Variants in PCDHGA4 observed in about 807,000 individuals in gnomAD.
PCDHGA4 encodes protocadherin gamma subfamily A, 4, also known as protocadherin gamma-A4.
Under a neutral mutation model 54.6 loss-of-function variants are expected in PCDHGA4, and 38 were observed. The observed-to-expected ratio is 0.70, with a 90% CI of 0.54 to 0.91. The LOEUF is 0.91. Ranked by LOEUF, PCDHGA4 falls within the 40% of genes least tolerant of loss-of-function variation. The probability of loss-of-function intolerance (pLI) is 0.00; values close to 1 mark genes in which losing one functional copy is unlikely to be tolerated. For missense variants in PCDHGA4, 1,298 were observed against 1,220.9 expected, an observed-to-expected ratio of 1.06 and a Z score of -0.94; for synonymous variants, 511 against 512.9, an observed-to-expected ratio of 1.00 and a Z score of 0.05.
chr5:141,489,300 C>G lies in PCDHGA4; in HGVS notation c.2515-5507C>G. The G allele has an allele frequency of 6.3e-7, 1 of 1,585,700 alleles. No individual in the cohort carries two copies. The highest frequency in any genetic ancestry group is 1.2e-5 in the South Asian group (1 of 85,012). Reference sequence around the variant, plus strand: ...AATGGCAAGTGCTGTGCATGTTGTCCTTGTGCTGCTGGGGCTGGGTGTCTG... The same window carrying G: ...AATGGCAAGTGCTGTGCATGTTGTCGTTGTGCTGCTGGGGCTGGGTGTCTG... On this transcript the variant is annotated intron_variant, in intron 1 of 3. Coordinates refer to ENST00000571252, the MANE Select transcript of PCDHGA4 (RefSeq NM_018917.4). This position sits in a 1 kb window ranked among gnomAD's most constrained non-coding sequence, Gnocchi z 4.5.
chr5:141,479,651 C>A (rs56818742), intron 1 of PCDHGA4: 43,954 of 152,194 alleles, frequency 0.29, 6,853 homozygotes, highest in African/African-American at 0.41. Flanking sequence ...ACAACAACAA[C>A]AATCCCAGAA....
rs1562052190 is a variant in PCDHGA4, at chr5:141,476,218, CTA to C, written c.2515-18587_2515-18586del. The C allele has an allele frequency of 6.2e-7, 1 of 1,613,984 alleles. No individual in the cohort carries two copies. The highest frequency in any genetic ancestry group is 8.5e-7 in the Non-Finnish European group (1 of 1,180,024). ...TGAACAAGGCTTCCACGGTCATTCA[CTA>C]TGAGATCCCGGAGGAAAGAGAGAAG... On this transcript the variant is annotated intron_variant, in intron 1 of 3. Coordinates refer to ENST00000571252, the MANE Select transcript of PCDHGA4 (RefSeq NM_018917.4). This position sits in a 1 kb window ranked among gnomAD's most constrained non-coding sequence, Gnocchi z 7.6.
chr5:141,364,683 G>C, intron 1 of PCDHGA4: 1 of 1,613,976 alleles, frequency 6.2e-7, no homozygotes, highest in Non-Finnish European at 8.5e-7. Flanking sequence ...AAAATTTATG[G>C]AGTAGAAGTA....
intron 1 of PCDHGA4, chr5:141,370,647 C>T: frequency 6.2e-7 from 1 of 1,613,884 alleles, no homozygotes; most frequent in African/African-American, 1.3e-5. Flanking sequence ...TGGGAACTTA[C>T]TTGTGAGCGA....
rs2099615817 is a variant in PCDHGA4 at position 141,485,564 on chromosome 5, C to G, written c.2515-9243C>G. On this transcript the variant is annotated intron_variant, in intron 1 of 3. Coordinates refer to ENST00000571252, the MANE Select transcript of PCDHGA4 (RefSeq NM_018917.4). This position sits in a 1 kb window ranked among gnomAD's most constrained non-coding sequence, Gnocchi z 5.7. ...GATCGTAGATGTGAATGATCACGCCCCCCGTTTTCCGCGGCAGCAGCTGGA... is the reference window on the plus strand; with the variant it reads ...GATCGTAGATGTGAATGATCACGCCGCCCGTTTTCCGCGGCAGCAGCTGGA... 6.2e-7 allele frequency: 1 copy of G among 1,612,958 alleles called. No individual in the cohort carries two copies. The highest frequency in any genetic ancestry group is 8.5e-7 in the Non-Finnish European group (1 of 1,179,052).
At chr5:141,389,069 T>A in intron 1 of PCDHGA4, 1 of 1,614,016 alleles carries the variant, frequency 6.2e-7, no homozygotes, top group Non-Finnish European at 8.5e-7. Flanking sequence ...TATTAACTTC[T>A]TCAAGAAACA....
At chr5:141,386,797 T>G (rs771279831) in intron 1 of PCDHGA4, among the ~76,000 whole-genome samples, 1 of 152,124 alleles carries the variant, frequency 6.6e-6, no homozygotes, top group Non-Finnish European at 1.5e-5. Flanking sequence ...TGACCAAAAT[T>G]TATTAGATGC....
chr5:141,494,736 T>A, intron 1 of PCDHGA4, 71 bp from the exon 2 acceptor site: 2 of 1,611,858 alleles, frequency 1.2e-6, no homozygotes, highest in Non-Finnish European at 1.7e-6. Flanking sequence ...TCCCGGCCCA[T>A]CCCTAGGGGC....
chr5:141,410,671 C>G (rs771368781), intron 1 of PCDHGA4: 1 of 1,563,260 alleles, frequency 6.4e-7, no homozygotes, highest in South Asian at 1.2e-5. Context: ...ACTAGTTTCT[C>G]ATATTTTAGG....
intron 1 of PCDHGA4, among the ~76,000 whole-genome samples, chr5:141,473,343 T>C (rs1309426537): frequency 6.6e-6 from 1 of 152,218 alleles, no homozygotes; most frequent in Non-Finnish European, 1.5e-5. Flanking sequence ...TGCTAGACAG[T>C]GAGGATGCAA....
At chr5:141,398,174 T>C (rs763077513) in intron 1 of PCDHGA4, 16 of 1,476,290 alleles carry the variant, frequency 1.1e-5, no homozygotes, top group African/African-American at 1.4e-5. Flanking sequence ...AGGCTGCCAG[T>C]GCTCTTTCTC....
chr5:141,410,847 GTC>G (rs2095431261), intron 1 of PCDHGA4: 6 of 158,244 alleles, frequency 3.8e-5, no homozygotes, highest in Admixed American at 8.9e-5. Context: ...TTTTGTCTTT[GTC>G]TTTTTTTTTT....
chr5:141,415,606 G>A lies in PCDHGA4; in HGVS notation c.2514+57985G>A. On this transcript the variant is annotated intron_variant, in intron 1 of 3. Transcript: ENST00000571252. ...GTTTCCTATAGAGGATACCCCATTG[G>A]TTCCAGTGAGTTTTATTTTCATTTT... The A allele has an allele frequency of 1.2e-6, 2 of 1,612,910 alleles. 1 individual carries two copies. Among genetic ancestry groups the A allele is most frequent in the East Asian group, 4.5e-5 (2 of 44,866 alleles).
At chr5:141,403,211 G>A (rs1253134514) in intron 1 of PCDHGA4, 2 of 1,613,856 alleles carry the variant, frequency 1.2e-6, no homozygotes, top group Non-Finnish European at 1.7e-6. Flanking sequence ...CTTGGTCACC[G>A]CGGGTAGGAT....
chr5:141,383,445 G>T (rs1779137475), intron 1 of PCDHGA4: 1 of 1,613,958 alleles, frequency 6.2e-7, no homozygotes, highest in East Asian at 2.2e-5. Flanking sequence ...CCCTGGCTGT[G>T]CAAAGTGGAG....
intron 1 of PCDHGA4, chr5:141,364,687 A>C: frequency 6.2e-7 from 1 of 1,614,004 alleles, no homozygotes; most frequent in Non-Finnish European, 8.5e-7. Flanking sequence ...TTTATGGAGT[A>C]GAAGTAGAAA....
At chr5:141,440,221 C>A (rs557068282) in intron 1 of PCDHGA4, 2 of 152,450 alleles carry the variant, frequency 1.3e-5, no homozygotes, top group Admixed American at 6.5e-5. Context: ...GTAATCCCAG[C>A]ACTTTGGGAG....
At position 141,431,034 on chromosome 5, in the gene PCDHGA4, G is replaced by C. The variant is rs372312860; in HGVS notation, c.2515-63773G>C. 2.5e-6 allele frequency: 4 copies of C among 1,613,992 alleles called. No homozygotes were observed. The highest frequency in any genetic ancestry group is 2.7e-5 in the African/African-American group (2 of 74,938). On this transcript the variant is annotated intron_variant, in intron 1 of 3. Coordinates refer to ENST00000571252, the MANE Select transcript of PCDHGA4 (RefSeq NM_018917.4). The surrounding 1 kb of genome is among the most constrained non-coding windows in gnomAD (Gnocchi z 4.8). ...TTGGTCACGGCGGGCAGGATAGACC[G>C]GGAGGAGCTCTGTATGGGGGCCATC...
chr5:141,491,583 C>G lies in PCDHGA4; in HGVS notation c.2515-3224C>G. On this transcript the variant is annotated intron_variant, in intron 1 of 3. Coordinates refer to ENST00000571252, the MANE Select transcript of PCDHGA4 (RefSeq NM_018917.4). This position sits in a 1 kb window ranked among gnomAD's most constrained non-coding sequence, Gnocchi z 6.9. ...GCTACAGGACGTGCTTTTCACCGGC[C>G]TCGGACGGCAGTGACTTCACTTTTC... is the stretch of plus-strand genomic sequence containing the variant. 1 of 1,613,964 alleles carries G rather than the reference C, an allele frequency of 6.2e-7. No individual in the cohort carries two copies. The highest frequency in any genetic ancestry group is 8.5e-7 in the Non-Finnish European group (1 of 1,180,046).
Sources: allele counts gnomAD v4.1 joint callset (sites outside exome capture counted in the v4.1 genomes callset), GRCh38; gene constraint gnomAD v4.1.1; non-coding constraint Gnocchi (gnomAD v3.1); transcripts MANE v1.5; gene names NCBI Gene and HGNC (gene_info 2026-07-23, HGNC 2026-07-21).